NLRP2: variants seen among roughly 807,000 people sequenced by gnomAD.
NLRP2 encodes NACHT, LRR and PYD domains-containing protein 2.
A neutral mutation model predicts 97.2 loss-of-function variants in NLRP2; 107 were observed. The observed-to-expected ratio is 1.10, with a 90% CI of 0.94 to 1.29. The LOEUF is 1.29. Among genes scored for constraint, NLRP2 ranks in the 50% most tolerant of loss-of-function variants. NLRP2 has a pLI of 0.00. For synonymous variants in NLRP2, 663 were observed against 551.5 expected (o/e 1.20, Z -2.83); for missense variants, 1,495 against 1,330.3 (o/e 1.12, Z -1.93).
At chr19:54,998,516 C>G (rs986424960) in intron 12 of NLRP2, among the ~76,000 whole-genome samples, 1 of 148,872 alleles carries the variant, frequency 6.7e-6, no homozygotes, top group Non-Finnish European at 1.5e-5. Flanking sequence ...CATATGGACA[C>G]TAAGGGTTTT....
In NLRP2 at chr19:54,996,062, AC is replaced by A. The variant is rs1395851279; in HGVS notation, c.2880-1254del. 7.7e-3 allele frequency among the ~76,000 whole-genome samples: 996 copies of A among 129,692 alleles called. 34 individuals carry two copies. The highest frequency in any genetic ancestry group is 0.026 in the Middle Eastern group (5 of 190). The allele number at this position is 129,692 out of a possible 152,430, so 85.1% of individuals were successfully genotyped here. On this transcript the variant is annotated intron_variant, in intron 11 of 12. Transcript: ENST00000448584. The stretch of plus-strand genomic sequence containing the variant: ...CAAAAAAAAAAAAAAAACAAAAAAA[AC>A]AAAGGCGCCTTTTTAATCACTCACT...
At chr19:54,990,466 C>T (rs1654496) in intron 9 of NLRP2, 36 bp from the exon 10 acceptor site, 27 of 1,609,496 alleles carry the variant, frequency 1.7e-5, no homozygotes, top group Non-Finnish European at 3.4e-6. Flanking sequence ...GAAGTTGGAC[C>T]TGTCAACCGT....
At chr19:54,997,909 C>T (rs956760885) in intron 12 of NLRP2, among the ~76,000 whole-genome samples, 2 of 152,084 alleles carry the variant, frequency 1.3e-5, no homozygotes, top group East Asian at 3.9e-4. Context: ...TAAGCATGAA[C>T]CATTGCACCC....
chr19:54,982,431 C>T lies in NLRP2; in HGVS notation c.733C>T (p.Leu245Phe), dbSNP rs369097456. The change falls in exon 6 of 13, where the codon CTC (leucine) becomes TTC (phenylalanine). Residue 245 changes from leucine to phenylalanine, a missense_variant. Coordinates refer to ENST00000448584, the MANE Select transcript of NLRP2 (RefSeq NM_017852.5). ...CCACAAATTCAAATATGCGTTCTAC[C>T]TCAGCTGCAGGGAGCTCAGCCGCCT... ...LIHKFKYAFYLSCRELSRLGP... is the reference protein window; with the variant it reads ...LIHKFKYAFYFSCRELSRLGP... 1.2e-6 allele frequency: 2 copies of T among 1,614,056 alleles called. No homozygotes were observed. Among genetic ancestry groups the T allele is most frequent in the African/African-American group, 1.3e-5 (1 of 74,936 alleles).
At chr19:54,971,209 T>G (rs1235617375) in intron 2 of NLRP2, among the ~76,000 whole-genome samples, 1 of 151,510 alleles carries the variant, frequency 6.6e-6, no homozygotes, top group Non-Finnish European at 1.5e-5. Flanking sequence ...ATTTTCTTAA[T>G]CCAGTCTATC....
chr19:54,986,556 CT>C (rs72407709), intron 8 of NLRP2, among the ~76,000 whole-genome samples: 3,273 of 144,474 alleles, frequency 0.023, 160 homozygotes, highest in Admixed American at 0.13. Flanking sequence ...TCTTTATCAT[CT>C]TTTTTTTTTT....
In NLRP2 at chr19:54,983,270, T is replaced by G; in HGVS notation, c.1572T>G (p.Asp524Glu). The change falls in exon 6 of 13, where the codon GAT becomes GAG. Residue 524 changes from aspartate (D) to glutamate (E), a missense_variant. Asp to Glu is a conservative substitution (Grantham distance 45, BLOSUM62 2). Transcript: ENST00000448584. ...FYTLEKEEEE[D>E]RDGHTWDIGD... Reference sequence around the variant, plus strand: ...CCCTGGAGAAGGAGGAGGAAGAGGATAGGGACGGCCACACCTGGGACATTG... The same window carrying G: ...CCCTGGAGAAGGAGGAGGAAGAGGAGAGGGACGGCCACACCTGGGACATTG... 1 of 1,578,900 alleles carries G rather than the reference T, an allele frequency of 6.3e-7. No homozygotes were observed. The highest frequency in any genetic ancestry group is 1.7e-5 in the Admixed American group (1 of 59,270).
At chr19:54,979,274 CG>C (rs1261405946) in intron 4 of NLRP2, among the ~76,000 whole-genome samples, 1 of 152,018 alleles carries the variant, frequency 6.6e-6, no homozygotes, top group Non-Finnish European at 1.5e-5. Flanking sequence ...TGTGAACCAC[CG>C]CACCTAGCCT....
intron 3 of NLRP2, among the ~76,000 whole-genome samples, chr19:54,976,132 T>A (rs1007725209): frequency 1.3e-5 from 2 of 151,480 alleles, no homozygotes; most frequent in Admixed American, 6.6e-5. Context: ...CACTGCAACC[T>A]CTGACCTCCG....
At chr19:54,998,611 C>CTTTTTTTTTTTTTTTTTCATTTTTTTTT (rs2072981477) in intron 12 of NLRP2, among the ~76,000 whole-genome samples, 1 of 42,218 alleles carries the variant, frequency 2.4e-5, no homozygotes, top group African/African-American at 8.3e-5. Context: ...CATCTTTTTT[C>CTTTTTTTTTTTTTTTTTCATTTTTTTTT]TTTTTTTTTT....
rs551780916 is a variant in NLRP2 at position 54,990,288 on chromosome 19, C to A, written c.2537+96C>A. 1.8e-5 allele frequency: 23 copies of A among 1,297,444 alleles called. No homozygotes were observed. In the African/African-American group the frequency reaches 2.9e-4, roughly 16 times the overall value. The allele number at this position is 1,297,444 out of a possible 1,614,324, so 80.4% of individuals were successfully genotyped here. A position where few individuals can be genotyped will look rare whatever the true frequency, so the allele number is the denominator to read the frequency against. ...TGACTTGGCTGTATGGAACCTCTCG[C>A]TGATGTGAACACCTGTTCCCATGTT... On this transcript the variant is annotated intron_variant, in intron 9 of 12. Coordinates refer to ENST00000448584, the MANE Select transcript of NLRP2 (RefSeq NM_017852.5).
intron 4 of NLRP2, among the ~76,000 whole-genome samples, chr19:54,978,505 G>A (rs1342208055): frequency 2.6e-5 from 4 of 151,954 alleles, no homozygotes; most frequent in Non-Finnish European, 4.4e-5. Context: ...CAAGTCTCCC[G>A]AAGTGCTGGG....
At chr19:54,973,043 C>A (rs2070966653) in intron 2 of NLRP2, among the ~76,000 whole-genome samples, 1 of 151,852 alleles carries the variant, frequency 6.6e-6, no homozygotes, top group African/African-American at 2.4e-5. Context: ...ATAAAAAAAT[C>A]AGCCGGGCGT....
At chr19:54,975,793 C>T (rs1186811545) in intron 3 of NLRP2, among the ~76,000 whole-genome samples, 2 of 151,888 alleles carry the variant, frequency 1.3e-5, no homozygotes, top group African/African-American at 4.8e-5. Flanking sequence ...CTGTGTTGCT[C>T]CGGCTTGATT....
intron 2 of NLRP2, among the ~76,000 whole-genome samples, chr19:54,973,034 T>TA (rs1288762063): frequency 6.6e-6 from 1 of 151,610 alleles, no homozygotes; most frequent in East Asian, 1.9e-4. Context: ...ACTAAAAATA[T>TA]AAAAAAATCA....
intron 2 of NLRP2, chr19:54,973,906 G>T (rs2071031656): frequency 5.7e-6 from 4 of 696,896 alleles, no homozygotes; most frequent in South Asian, 5.4e-5. Flanking sequence ...AGGATTCTTG[G>T]TATGCCCAGG....
chr19:54,970,986 C>T (rs1384962115), intron 2 of NLRP2, among the ~76,000 whole-genome samples: 1 of 101,372 alleles, frequency 9.9e-6, no homozygotes, highest in Admixed American at 1.2e-4. Context: ...CCCACCCCAC[C>T]ACAGTCCCCA....
chr19:54,971,739 CAT>C (rs1157455114), intron 2 of NLRP2, among the ~76,000 whole-genome samples: 3 of 152,122 alleles, frequency 2.0e-5, no homozygotes, highest in African/African-American at 7.2e-5. Flanking sequence ...GTTGGCCTAA[CAT>C]ATCTGTGGAT....
chr19:54,974,083 C>T (rs766337969), intron 2 of NLRP2: 63 of 901,940 alleles, frequency 7.0e-5, no homozygotes, highest in Middle Eastern at 4.4e-4. Context: ...CAGCCAAGCG[C>T]GGTGGCTCAC....
Sources: allele counts gnomAD v4.1 joint callset (sites outside exome capture counted in the v4.1 genomes callset), GRCh38; gene constraint gnomAD v4.1.1; transcripts MANE v1.5; gene names NCBI Gene and HGNC (gene_info 2026-07-23, HGNC 2026-07-21).